USP34: variants seen among roughly 807,000 people sequenced by gnomAD.
USP34 encodes ubiquitin specific peptidase 34, also known as ubiquitin carboxyl-terminal hydrolase 34.
A neutral mutation model predicts 460.3 loss-of-function variants in USP34; 70 were observed. That is an observed-to-expected ratio of 0.15 (90% confidence interval 0.13 to 0.19). USP34 has a LOEUF of 0.19. Ranked by LOEUF, USP34 falls within the 10% of genes least tolerant of loss-of-function variation. The pLI, the probability that USP34 is intolerant of heterozygous loss-of-function variation, is 1.00. For synonymous variants in USP34, 1,647 were observed against 1,405.3 expected (o/e 1.17, Z -3.85); for missense variants, 3,985 against 4,236.2 (o/e 0.94, Z 1.65).
chr2:61,269,806 T>C (rs902549418), intron 41 of USP34, among the ~76,000 whole-genome samples: 1 of 152,048 alleles, frequency 6.6e-6, no homozygotes, highest in African/African-American at 2.4e-5. Context: ...AATAATTATA[T>C]ATATTAATGG....
intron 74 of USP34, among the ~76,000 whole-genome samples, chr2:61,203,942 A>C (rs931108235): frequency 6.6e-6 from 1 of 151,828 alleles, no homozygotes; most frequent in African/African-American, 2.4e-5. Flanking sequence ...AAAAAAAAAA[A>C]AACAGTACCT....
In USP34 at chr2:61,221,581, A is replaced by G; in HGVS notation, c.7820T>C (p.Leu2607Ser). ...PEAANPFFKL[L>S]TMLMEFAGGP... ...ACCAGCAAACTCCATTAGCATAGTC[A>G]ACAACTTAAAGAAAGGATTGGCTGC... Residue 2607 changes from leucine to serine, a missense_variant, in exon 66 of 80, where the codon TTG (leucine) becomes TCG (serine). Coordinates refer to ENST00000398571, the MANE Select transcript of USP34 (RefSeq NM_014709.4). The G allele has an allele frequency of 6.2e-7, 1 of 1,614,090 alleles. No individual in the cohort carries two copies. The highest frequency in any genetic ancestry group is 8.5e-7 in the Non-Finnish European group (1 of 1,179,944).
intron 71 of USP34, 89 bp downstream of exon 71, chr2:61,206,671 A>G (rs1361684266): frequency 3.3e-6 from 5 of 1,507,044 alleles, no homozygotes; most frequent in Non-Finnish European, 4.5e-6. Flanking sequence ...ACTAGGATAA[A>G]AACAATTTCT....
At chr2:61,283,508 CAATT>C in intron 35 of USP34, 59 bp from the exon 36 acceptor site, 1 of 1,545,256 alleles carries the variant, frequency 6.5e-7, no homozygotes, top group Non-Finnish European at 8.8e-7. Context: ...AAAAATAATT[CAATT>C]TATTAACATA....
intron 48 of USP34, among the ~76,000 whole-genome samples, chr2:61,253,423 C>A (rs1376280907): frequency 6.6e-6 from 1 of 152,174 alleles, no homozygotes; most frequent in Non-Finnish European, 1.5e-5. Context: ...ACGTCCCTAA[C>A]TCTTATCCTA....
chr2:61,196,091 TTTTTTTTG>T, intron 75 of USP34, among the ~76,000 whole-genome samples: 1 of 132,184 alleles, frequency 7.6e-6, no homozygotes. Flanking sequence ...TTTTTTTTTT[TTTTTTTTG>T]AGACGGAGTC....
intron 1 of USP34, among the ~76,000 whole-genome samples, chr2:61,431,268 G>A (rs751799703): frequency 2.6e-5 from 4 of 152,132 alleles, no homozygotes; most frequent in Non-Finnish European, 4.4e-5. Context: ...TGTCACTCAG[G>A]CTGGAATGCA....
chr2:61,211,324 T>C (rs1687267817), intron 69 of USP34, among the ~76,000 whole-genome samples: 1 of 152,238 alleles, frequency 6.6e-6, no homozygotes, highest in South Asian at 2.1e-4. Flanking sequence ...CAATAACTTC[T>C]GTAGCTCTGA....
At chr2:61,332,521 C>A (rs1691301878) in intron 19 of USP34, among the ~76,000 whole-genome samples, 1 of 151,942 alleles carries the variant, frequency 6.6e-6, no homozygotes, top group African/African-American at 2.4e-5. Context: ...TCAGAGACTG[C>A]CCCTTCTATA....
At chr2:61,428,395 G>C (rs1694571763) in intron 1 of USP34, among the ~76,000 whole-genome samples, 1 of 152,144 alleles carries the variant, frequency 6.6e-6, no homozygotes, top group Non-Finnish European at 1.5e-5. Context: ...AGTTTCTCCT[G>C]ATACAGATAG....
chr2:61,464,925 G>C (rs1695717435), intron 1 of USP34, among the ~76,000 whole-genome samples: 1 of 151,866 alleles, frequency 6.6e-6, no homozygotes, highest in African/African-American at 2.4e-5. Context: ...AACTACAAAA[G>C]CAGTTATCAG....
intron 44 of USP34, among the ~76,000 whole-genome samples, chr2:61,258,784 T>C (rs145194017): frequency 5.4e-4 from 82 of 152,288 alleles, no homozygotes; most frequent in African/African-American, 1.8e-3. Flanking sequence ...ATCACTTTTA[T>C]AGTTTTAGGC....
Position 61,293,461 on chromosome 2 carries a change from T to C in USP34, c.4548+3A>G. 1 of 1,610,002 alleles carries C rather than the reference T, an allele frequency of 6.2e-7. No individual in the cohort carries two copies. The highest frequency in any genetic ancestry group is 1.1e-5 in the South Asian group (1 of 90,546). On this transcript the variant is annotated splice_donor_region_variant and intron_variant, in intron 33 of 79. Transcript: ENST00000398571. ...CTAGTTGAAACCATAAATATGCACT[T>C]ACCACAGTCCATGATTCCTGCTCTT... is the stretch of plus-strand genomic sequence containing the variant.
intron 41 of USP34, among the ~76,000 whole-genome samples, chr2:61,276,380 A>G (rs960645476): frequency 2.6e-5 from 4 of 152,170 alleles, no homozygotes; most frequent in African/African-American, 4.8e-5. Flanking sequence ...CTCTTAGTCA[A>G]TTTTTAAAAA....
In USP34 at chr2:61,380,138, G is replaced by A. The variant is rs142911553; in HGVS notation, c.1014+31C>T. On this transcript the variant is annotated intron_variant, in intron 7 of 79. Coordinates refer to ENST00000398571, the MANE Select transcript of USP34 (RefSeq NM_014709.4). The stretch of plus-strand genomic sequence containing the variant: ...ATGATAGACCAGAAAACAAATAAAC[G>A]ATGACCAAAAATAAAACAAATACAG... The A allele has an allele frequency of 8.1e-4, 1,294 of 1,589,334 alleles. 18 individuals are homozygous for A. In the Admixed American group the frequency reaches 0.02, roughly 25 times the overall value.
In USP34 at chr2:61,322,320, A is replaced by G. The variant is rs376382747; in HGVS notation, c.3014-2993T>C. Among the ~76,000 whole-genome samples the G allele has an allele frequency of 2.0e-4, 30 of 152,334 alleles. 2 individuals carry two copies. In the South Asian group the frequency reaches 6.0e-3, roughly 31 times the overall value. The stretch of plus-strand genomic sequence containing the variant: ...ACTGCCTAAAACAGACAACAGCAAC[A>G]TATCAGAGGACATAATCAGCTAGGG... On this transcript the variant is annotated intron_variant, in intron 21 of 79. Transcript: ENST00000398571.
chr2:61,322,566 C>A (rs552498897), intron 21 of USP34, among the ~76,000 whole-genome samples: 32 of 152,080 alleles, frequency 2.1e-4, no homozygotes, highest in Middle Eastern at 6.3e-3. Flanking sequence ...GGGGTGGTGC[C>A]CTAGAACCAG....
At chr2:61,247,163 A>G (rs1279956515) in intron 49 of USP34, among the ~76,000 whole-genome samples, 1 of 152,226 alleles carries the variant, frequency 6.6e-6, no homozygotes, top group East Asian at 1.9e-4. Context: ...AAAAAAATGT[A>G]GAGTGGTCTA....
At chr2:61,405,031 T>C (rs949094257) in intron 3 of USP34, among the ~76,000 whole-genome samples, 1 of 151,732 alleles carries the variant, frequency 6.6e-6, no homozygotes, top group Admixed American at 6.6e-5. Flanking sequence ...ATCGAGACCA[T>C]CCTGGCTAAC....
Sources: gnomAD v4.1 joint callset for allele counts (sites outside exome capture counted in the v4.1 genomes callset) on GRCh38, gnomAD v4.1.1 for gene constraint, MANE v1.5 for transcripts, NCBI Gene and HGNC (gene_info 2026-07-23, HGNC 2026-07-21) for gene names.